The following MAP3K4 variants were observed in gnomAD, a reference collection of about 807,000 sequenced individuals.
The protein encoded by MAP3K4 is MAP three kinase 1.
Under a neutral mutation model 185.6 loss-of-function variants are expected in MAP3K4, and 67 were observed. The ratio of observed to expected loss-of-function variants is 0.36; its 90% confidence interval spans 0.30 to 0.44. The LOEUF (loss-of-function observed/expected upper bound fraction) is 0.44, where lower values mean the gene tolerates loss of function less well. Ranked by LOEUF, MAP3K4 falls within the 20% of genes least tolerant of loss-of-function variation. The pLI is 1.00. For synonymous variants in MAP3K4, 702 were observed against 710.4 expected (o/e 0.99, Z 0.19); for missense variants, 1,551 against 1,995.1 (o/e 0.78, Z 4.24).
chr6:161,026,733 CT>C (rs553664182), intron 1 of MAP3K4, among the ~76,000 whole-genome samples: 2,869 of 96,184 alleles, frequency 0.03, 13 homozygotes, highest in South Asian at 0.039. Flanking sequence ...GTTCTCTCTC[CT>C]TTTTTTTTTT....
chr6:161,085,145 C>A (rs1201063848), intron 7 of MAP3K4, among the ~76,000 whole-genome samples: 8 of 140,562 alleles, frequency 5.7e-5, no homozygotes, highest in Non-Finnish European at 9.3e-5. Flanking sequence ...GACTCCGTCT[C>A]AAAAAAAAAA....
At chr6:161,010,057 T>C (rs1326466551) in intron 1 of MAP3K4, among the ~76,000 whole-genome samples, 1 of 152,252 alleles carries the variant, frequency 6.6e-6, no homozygotes, top group Non-Finnish European at 1.5e-5. Flanking sequence ...TTTTAAATTC[T>C]TGCATTTTAA....
rs548595523 is a variant in MAP3K4, at chr6:161,061,732, CTTCT to C, written c.1708-8872_1708-8869del. ...ATGGTATGTGGTCTTTTGAGACTGG[CTTCT>C]TTCATTTGCATAATGTTTTCAAGGT... On this transcript the variant is annotated intron_variant, in intron 3 of 26. Transcript: ENST00000392142. The surrounding 1 kb of genome is among the most constrained non-coding windows in gnomAD (Gnocchi z 4.2). Among the ~76,000 whole-genome samples the C allele has an allele frequency of 1.3e-3, 200 of 152,216 alleles. 2 individuals carry two copies. Among genetic ancestry groups the C allele is most frequent in the African/African-American group, 4.6e-3 (192 of 41,538 alleles).
chr6:161,115,452 G>A lies in MAP3K4; in HGVS notation c.4806+150G>A, dbSNP rs750460145. On this transcript the variant is annotated intron_variant, in intron 26 of 26. Coordinates refer to ENST00000392142, the MANE Select transcript of MAP3K4 (RefSeq NM_005922.4). This position sits in a 1 kb window ranked among gnomAD's most constrained non-coding sequence, Gnocchi z 6.0. ...ATTATTATGCCAGGGATTTTTGTAT[G>A]TGTTTTTTCATTTGGAAAATGTTCA... 31 of 794,450 alleles carry A rather than the reference G, an allele frequency of 3.9e-5. No individual in the cohort carries two copies. The highest frequency in any genetic ancestry group is 5.4e-5 in the Non-Finnish European group (28 of 520,798). 49.2% of individuals were successfully genotyped at this position (794,450 alleles called of 1,614,324 possible).
chr6:161,092,793 T>C (rs895413521), intron 13 of MAP3K4, among the ~76,000 whole-genome samples, 185 bp from the exon 14 acceptor site: 1 of 152,204 alleles, frequency 6.6e-6, no homozygotes, highest in Admixed American at 6.5e-5. Context: ...AAAACAAAAT[T>C]AAATTTTAAA....
At chr6:161,012,605 A>G (rs1781900418) in intron 1 of MAP3K4, among the ~76,000 whole-genome samples, 1 of 152,204 alleles carries the variant, frequency 6.6e-6, no homozygotes, top group South Asian at 2.1e-4. Context: ...GCATTTTCAG[A>G]TAAGGGAGGT....
Position 161,049,809 on chromosome 6 carries a change from A to G in MAP3K4, c.1537A>G (p.Thr513Ala). The G allele has an allele frequency of 6.2e-7, 1 of 1,614,194 alleles. No individual in the cohort carries two copies. Among genetic ancestry groups the G allele is most frequent in the East Asian group, 2.2e-5 (1 of 44,874 alleles). The part of the protein sequence containing the change: ...SLGWGAPDWS[T>A]EAGFSRHCLT... Reference sequence around the variant, plus strand: ...TGGCTGGGGAGCACCAGACTGGAGCACAGAAGCAGGCTTTAGTAGACATTG... The same window carrying G: ...TGGCTGGGGAGCACCAGACTGGAGCGCAGAAGCAGGCTTTAGTAGACATTG... Residue 513 changes from threonine to alanine, a missense_variant, in exon 3 of 27, where the codon ACA becomes GCA. Transcript: ENST00000392142. This position sits in a 1 kb window ranked among gnomAD's most constrained non-coding sequence, Gnocchi z 8.4.
intron 1 of MAP3K4, among the ~76,000 whole-genome samples, chr6:160,995,655 GTTGTTA>G (rs1359161532): frequency 6.6e-6 from 1 of 152,230 alleles, no homozygotes; most frequent in African/African-American, 2.4e-5. Context: ...AAGGATAGCT[GTTGTTA>G]TTGTTAGTGA....
At position 161,080,785 on chromosome 6, in the gene MAP3K4, C is replaced by T. The variant is rs1785414714; in HGVS notation, c.2098-96C>T. On this transcript the variant is annotated intron_variant, in intron 5 of 26. Coordinates refer to ENST00000392142, the MANE Select transcript of MAP3K4 (RefSeq NM_005922.4). This position sits in a 1 kb window ranked among gnomAD's most constrained non-coding sequence, Gnocchi z 4.8. The stretch of plus-strand genomic sequence containing the variant: ...GTGCCTGTGACAGCCCCCGGCCCGC[C>T]CCCACTTTACCCTGCTGATGTGTAG... The T allele has an allele frequency of 4.4e-6, 5 of 1,124,806 alleles. No individual in the cohort carries two copies. Among genetic ancestry groups the T allele is most frequent in the Non-Finnish European group, 3.9e-6 (3 of 767,840 alleles). The allele number at this position is 1,124,806 out of a possible 1,614,324, so 69.7% of individuals were successfully genotyped here. A position where few individuals can be genotyped will look rare whatever the true frequency, so the allele number is the denominator to read the frequency against.
At chr6:161,083,665 A>G (rs59318837) in intron 6 of MAP3K4, among the ~76,000 whole-genome samples, 5,861 of 152,168 alleles carry the variant, frequency 0.039, 148 homozygotes, top group South Asian at 0.073. Flanking sequence ...CTTTTTAATC[A>G]TATTTATTGT....
chr6:161,034,392 T>G lies in MAP3K4; in HGVS notation c.286T>G (p.Ser96Ala), dbSNP rs748203180. The G allele has an allele frequency of 2.5e-6, 4 of 1,613,850 alleles. No individual in the cohort carries two copies. The African/African-American group carries it at 5.3e-5, about 22-fold the overall frequency. Reference protein sequence around the residue: ...PSTPRQMKRMSTKHQRNNVGR... With the variant: ...PSTPRQMKRMATKHQRNNVGR... ...CACACCTCGACAGATGAAACGCATGTCAACCAAACATCAGAGGAATAATGT... is the reference window on the plus strand; with the variant it reads ...CACACCTCGACAGATGAAACGCATGGCAACCAAACATCAGAGGAATAATGT... The change falls in exon 2 of 27, where the codon TCA becomes GCA. Residue 96 changes from serine to alanine, a missense_variant. Transcript: ENST00000392142. The surrounding 1 kb of genome is among the most constrained non-coding windows in gnomAD (Gnocchi z 4.4).
chr6:161,024,040 C>T (rs1782526217), intron 1 of MAP3K4, among the ~76,000 whole-genome samples: 1 of 152,136 alleles, frequency 6.6e-6, no homozygotes, highest in African/African-American at 2.4e-5. Context: ...GATCATGGCT[C>T]ACTGCAGCCT....
rs2114917803 is a variant in MAP3K4, at chr6:161,110,602, G to C, written c.4396+688G>C. 6.6e-6 allele frequency among the ~76,000 whole-genome samples: 1 copy of C among 152,334 alleles called. No homozygotes were observed. Among genetic ancestry groups the C allele is most frequent in the African/African-American group, 2.4e-5 (1 of 41,580 alleles). ...AGGCTGAAGAGTTTCATTCTGTCCT[G>C]TAGTCTGAGGCTAACCTAAACACAT... On this transcript the variant is annotated intron_variant, in intron 23 of 26. Transcript: ENST00000392142. This position sits in a 1 kb window ranked among gnomAD's most constrained non-coding sequence, Gnocchi z 4.8.
At chr6:161,081,160 C>A in intron 6 of MAP3K4, 122 bp downstream of exon 6, 1 of 1,053,754 alleles carries the variant, frequency 9.5e-7, no homozygotes, top group Non-Finnish European at 1.4e-6. Context: ...TTATCCATAT[C>A]TCATATGTGC....
rs561990045 is a variant in MAP3K4, at chr6:161,015,848, A to T, written c.153-18411A>T. The stretch of plus-strand genomic sequence containing the variant: ...ATGACACCAGACTCCTCCCATTAGT[A>T]CCCACCTCCAACATTGGGGATAAAA... On this transcript the variant is annotated intron_variant, in intron 1 of 26. Transcript: ENST00000392142. Among the ~76,000 whole-genome samples, 71 of 152,152 alleles carry T rather than the reference A, an allele frequency of 4.7e-4. 2 individuals are homozygous for T. The South Asian group carries it at 0.014, about 30-fold the overall frequency.
At chr6:161,066,741 A>G (rs1784730972) in intron 3 of MAP3K4, among the ~76,000 whole-genome samples, 1 of 152,148 alleles carries the variant, frequency 6.6e-6, no homozygotes, top group Non-Finnish European at 1.5e-5. Context: ...TGACATACCA[A>G]GCTCCTCCAG....
chr6:161,008,770 A>G lies in MAP3K4; in HGVS notation c.152+16687A>G, dbSNP rs1424690628. On this transcript the variant is annotated intron_variant, in intron 1 of 26. Transcript: ENST00000392142. This position sits in a 1 kb window ranked among gnomAD's most constrained non-coding sequence, Gnocchi z 4.1. ...ACACACTACCCTTTCTTTCCTCATT[A>G]TCCTGACATTTACTGATATTTTACA... Among the ~76,000 whole-genome samples the G allele has an allele frequency of 6.6e-6, 1 of 152,124 alleles. No homozygotes were observed. Among genetic ancestry groups the G allele is most frequent in the Non-Finnish European group, 1.5e-5 (1 of 68,016 alleles).
Position 161,108,891 on chromosome 6 carries a change from A to C in MAP3K4, c.4236+32A>C. The C allele has an allele frequency of 1.9e-6, 3 of 1,595,896 alleles. No homozygotes were observed. The highest frequency in any genetic ancestry group is 2.6e-6 in the Non-Finnish European group (3 of 1,163,452). The stretch of plus-strand genomic sequence containing the variant: ...CGACCCTAATGCCACTCTTTGTGTG[A>C]GGAATCAGTGAGGGCACAGAATGGA... On this transcript the variant is annotated intron_variant, in intron 22 of 26. Coordinates refer to ENST00000392142, the MANE Select transcript of MAP3K4 (RefSeq NM_005922.4). This position sits in a 1 kb window ranked among gnomAD's most constrained non-coding sequence, Gnocchi z 5.7.
intron 1 of MAP3K4, among the ~76,000 whole-genome samples, chr6:161,014,281 T>C (rs1051715997): frequency 1.3e-5 from 2 of 152,132 alleles, no homozygotes; most frequent in Non-Finnish European, 2.9e-5. Flanking sequence ...TATTATATCT[T>C]ATGTACCTGG....
Sources: allele counts gnomAD v4.1 joint callset (sites outside exome capture counted in the v4.1 genomes callset), GRCh38; gene constraint gnomAD v4.1.1; non-coding constraint Gnocchi (gnomAD v3.1); transcripts MANE v1.5; gene names NCBI Gene and HGNC (gene_info 2026-07-23, HGNC 2026-07-21).